MYO15A: variants seen among roughly 807,000 people sequenced by gnomAD.
MYO15A encodes unconventional myosin-XV.
A neutral mutation model predicts 394.6 loss-of-function variants in MYO15A; 308 were observed. That is an observed-to-expected ratio of 0.78 (90% CI 0.71 to 0.86). MYO15A has a LOEUF of 0.86. MYO15A is among the 40% of genes least tolerant of loss of function. The pLI is 0.00. For synonymous variants in MYO15A, 1,957 were observed against 2,003.8 expected (o/e 0.98, Z 0.62); for missense variants, 4,606 against 4,799.1 (o/e 0.96, Z 1.19).
At position 18,171,747 on chromosome 17, in the gene MYO15A, C is replaced by T. The variant is rs375199386; in HGVS notation, c.10192C>T (p.His3398Tyr). 1.5e-5 allele frequency: 24 copies of T among 1,611,490 alleles called. No homozygotes were observed. The African/African-American group carries it at 2.7e-4, about 18-fold the overall frequency. ...GCAGCAGACACAGGCGCTCAGCCCC[C>T]ACCAGGCCCGTGCCCAGTTTCTGGG... ...HRQQTQALSP[H>Y]QARAQFLGLL... is the part of the protein sequence containing the mutation. Residue 3398 changes from histidine to tyrosine, a missense_variant, in exon 63 of 66, where the codon CAC (histidine) becomes TAC (tyrosine). Physicochemically the swap from His to Tyr is moderately conservative, Grantham distance 83 (BLOSUM62 2). Transcript: ENST00000647165.
At position 18,138,867 on chromosome 17, in the gene MYO15A, C is replaced by G; in HGVS notation, c.5064C>G (p.Leu1688=). The change falls in exon 18 of 66, where the codon CTC becomes CTG. Residue 1688 remains leucine (L), a synonymous_variant. Coordinates refer to ENST00000647165, the MANE Select transcript of MYO15A (RefSeq NM_016239.4). ...KCHYHHGANP[L]YSKPKMPLPE... is the part of the protein sequence containing the mutation. ...ACTACCATCATGGCGCCAACCCGCT[C>G]TATTCCAAACCCAAGATGCCGCTGC... 1 of 1,613,780 alleles carries G rather than the reference C, an allele frequency of 6.2e-7. No individual in the cohort carries two copies. The highest frequency in any genetic ancestry group is 8.5e-7 in the Non-Finnish European group (1 of 1,179,896).
Position 18,149,276 on chromosome 17 carries a change from G to C in MYO15A, c.7017G>C (p.Glu2339Asp), listed in dbSNP as rs1049078608. The change falls in exon 34 of 66, where the codon GAG (glutamate) becomes GAC (aspartate). Residue 2339 changes from glutamate (E) to aspartate (D), a missense_variant. Coordinates refer to ENST00000647165, the MANE Select transcript of MYO15A (RefSeq NM_016239.4). ...TGTCCACTAGACCCCAGCCCCAGGA[G>C]CACATGCCCAAAGTACTTGACTCTG... ...EDMSTRPQPQ[E>D]HMPKVLDSDG... 8 of 1,613,878 alleles carry C rather than the reference G, an allele frequency of 5.0e-6. No individual in the cohort carries two copies. The Admixed American group carries it at 1.3e-4, about 27-fold the overall frequency.
chr17:18,155,323 G>A lies in MYO15A; in HGVS notation c.8350G>A (p.Gly2784Ser). The change falls in exon 47 of 66, where the codon GGC (glycine) becomes AGC (serine). Residue 2784 changes from glycine to serine, a missense_variant. Physicochemically the swap from Gly to Ser is moderately conservative, Grantham distance 56 (BLOSUM62 0). Transcript: ENST00000647165. ...SRIFPATGSVGTGVQLLAVSH... is the reference protein window; with the variant it reads ...SRIFPATGSVSTGVQLLAVSH... ...TTCATCTCTGCCCCAGGGCAGCGTG[G>A]GCACTGGTGTGCAGCTCCTAGCTGT... The A allele has an allele frequency of 6.2e-7, 1 of 1,613,770 alleles. No individual in the cohort carries two copies. Among genetic ancestry groups the A allele is most frequent in the Non-Finnish European group, 8.5e-7 (1 of 1,180,002 alleles).
intron 43 of MYO15A, 100 bp from the exon 44 acceptor site, chr17:18,154,031 G>A (rs2046631869): frequency 5.6e-6 from 9 of 1,603,760 alleles, no homozygotes; most frequent in Non-Finnish European, 7.7e-6. Flanking sequence ...CCAGGGGTGG[G>A]GTTACAGCCG....
chr17:18,121,468 C>A lies in MYO15A; in HGVS notation c.2668C>A (p.Pro890Thr), dbSNP rs770024283. Residue 890 changes from proline to threonine, a missense_variant, in exon 2 of 66, where the codon CCC (proline) becomes ACC (threonine). Physicochemically the swap from Pro to Thr is conservative, Grantham distance 38 (BLOSUM62 -1). Transcript: ENST00000647165. This position sits in a 1 kb window ranked among gnomAD's most constrained non-coding sequence, Gnocchi z 5.3. Reference sequence around the variant, plus strand: ...GGCTGTGAAGCCGCAAGTGCGCCTGCCCTTCCACCGACCGCCCAGGGCCGG... The same window carrying A: ...GGCTGTGAAGCCGCAAGTGCGCCTGACCTTCCACCGACCGCCCAGGGCCGG... ...TRAVKPQVRL[P>T]FHRPPRAGAW... 2.6e-5 allele frequency: 40 copies of A among 1,549,956 alleles called. No homozygotes were observed. Among genetic ancestry groups the A allele is most frequent in the Non-Finnish European group, 3.4e-5 (39 of 1,147,180 alleles).
In MYO15A at chr17:18,130,764, C is replaced by T. The variant is rs370006056; in HGVS notation, c.4033-41C>T. The stretch of plus-strand genomic sequence containing the variant: ...GTCCTGCTAGTGACTCCATTCTGTT[C>T]TTGTCTGTCTCTTTGTCCTCCCTCC... On this transcript the variant is annotated intron_variant, in intron 7 of 65. Transcript: ENST00000647165. 29 of 1,601,514 alleles carry T rather than the reference C, an allele frequency of 1.8e-5. No homozygotes were observed. In the African/African-American group the frequency reaches 3.9e-4, roughly 21 times the overall value.
In MYO15A at chr17:18,126,416, G is replaced by C; in HGVS notation, c.3826G>C (p.Val1276Leu). 6.2e-7 allele frequency: 1 copy of C among 1,614,016 alleles called. No homozygotes were observed. Among genetic ancestry groups the C allele is most frequent in the Non-Finnish European group, 8.5e-7 (1 of 1,180,000 alleles). ...QMFGIYGPEQ[V>L]QQYNGRALGE... ...GTTTGGAATCTATGGGCCGGAGCAG[G>C]TGCAGCAGTACAACGGACGGGCCCT... The change falls in exon 5 of 66, where the codon GTG becomes CTG. Residue 1276 changes from valine to leucine, a missense_variant. Val to Leu is a conservative substitution (Grantham distance 32, BLOSUM62 1). Transcript: ENST00000647165.
rs1345782108 is a variant in MYO15A at position 18,164,073 on chromosome 17, T to C, written c.9787+235T>C. 5.3e-6 allele frequency: 3 copies of C among 569,988 alleles called. No individual in the cohort carries two copies. In the African/African-American group the frequency reaches 5.6e-5, roughly 11 times the overall value. 35.3% of individuals were successfully genotyped at this position (569,988 alleles called of 1,614,324 possible). On this transcript the variant is annotated intron_variant, in intron 60 of 65. Coordinates refer to ENST00000647165, the MANE Select transcript of MYO15A (RefSeq NM_016239.4). The stretch of plus-strand genomic sequence containing the variant: ...TATGATGAGAGCCCTCTCTCATCCC[T>C]CCCTTTGTCCCTCAGGACATGCTCA...
chr17:18,142,897 T>G (rs2046407761), intron 25 of MYO15A, 57 bp downstream of exon 25: 2 of 1,509,046 alleles, frequency 1.3e-6, no homozygotes, highest in African/African-American at 2.8e-5. Context: ...GAAAGGGCAC[T>G]TAGCACCCAA....
chr17:18,116,631 A>T (rs900673919), intron 1 of MYO15A, among the ~76,000 whole-genome samples: 5 of 152,178 alleles, frequency 3.3e-5, no homozygotes, highest in Admixed American at 6.5e-5. Context: ...GCTCAGAAAG[A>T]ATGTCTCGGC....
intron 51 of MYO15A, 182 bp from the exon 52 acceptor site, chr17:18,158,341 T>C: frequency 1.8e-6 from 1 of 559,956 alleles, no homozygotes; most frequent in Non-Finnish European, 3.0e-6. Context: ...GCACAGCAAG[T>C]AAAAGGCGTG....
chr17:18,148,816 T>C lies in MYO15A; in HGVS notation c.6820T>C (p.Trp2274Arg), dbSNP rs1411154170. ...CGTGGCCATGAAGAATGGTGTCCAG[T>C]GGGCAGAGCTGGCTGGCCACGACTA... ...WTVAMKNGVQ[W>R]AELAGHDYVL... Residue 2274 changes from tryptophan (W) to arginine (R), a missense_variant, in exon 33 of 66, where the codon TGG becomes CGG. By Grantham distance (101) the Trp-to-Arg change is moderately radical (BLOSUM62 -3). Transcript: ENST00000647165. This position sits in a 1 kb window ranked among gnomAD's most constrained non-coding sequence, Gnocchi z 4.8. 1 of 1,605,556 alleles carries C rather than the reference T, an allele frequency of 6.2e-7. No homozygotes were observed. Among genetic ancestry groups the C allele is most frequent in the Non-Finnish European group, 8.5e-7 (1 of 1,175,996 alleles).
chr17:18,126,194 T>A (rs2046034651), intron 4 of MYO15A, among the ~76,000 whole-genome samples, 153 bp from the exon 5 acceptor site: 1 of 152,224 alleles, frequency 6.6e-6, no homozygotes, highest in African/African-American at 2.4e-5. Context: ...GTAGCCCAGC[T>A]AGCTGGTAGA....
intron 2 of MYO15A, 158 bp from the exon 3 acceptor site, chr17:18,124,325 G>T (rs2045992412): frequency 1.4e-6 from 1 of 727,700 alleles, no homozygotes; most frequent in Non-Finnish European, 2.4e-6. Flanking sequence ...GGTTCTGGGG[G>T]CCACAGCATT....
rs780514902 is a variant in MYO15A, at chr17:18,119,723, G to GCTACGA, written c.925_930dup (p.Tyr309_Asp310dup). On this transcript the variant is annotated inframe_insertion, in exon 2 of 66. Coordinates refer to ENST00000647165, the MANE Select transcript of MYO15A (RefSeq NM_016239.4). ...GATCCGGGGTACACCTACGGCTACGGCTACGACGATTACGAACCCCCATAT... is the reference window on the plus strand; with the variant it reads ...GATCCGGGGTACACCTACGGCTACGGCTACGACTACGACGATTACGAACCCCCATAT... 1.2e-6 allele frequency: 2 copies of GCTACGA among 1,612,108 alleles called. No homozygotes were observed. Among genetic ancestry groups the GCTACGA allele is most frequent in the Non-Finnish European group, 8.5e-7 (1 of 1,179,970 alleles).
In MYO15A at chr17:18,119,516, A is replaced by G; in HGVS notation, c.716A>G (p.His239Arg). 1 of 1,611,124 alleles carries G rather than the reference A, an allele frequency of 6.2e-7. No individual in the cohort carries two copies. Among genetic ancestry groups the G allele is most frequent in the Non-Finnish European group, 8.5e-7 (1 of 1,179,900 alleles). ...FQDLGEYYDY[H>R]RDGDDYYDRQ... ...GACCTGGGCGAGTATTATGACTATC[A>G]CCGCGACGGCGACGACTACTACGAC... The change falls in exon 2 of 66, where the codon CAC becomes CGC. Residue 239 changes from histidine to arginine, a missense_variant. By Grantham distance (29) the His-to-Arg change is conservative. Transcript: ENST00000647165.
Position 18,157,081 on chromosome 17 carries a change from G to A in MYO15A, c.8713+16G>A. ...CCTCGAGTGGGTCAGTGCCACTGGG[G>A]TGGGCTGGGGGCAGGAGGGGGAGGC... is the stretch of plus-strand genomic sequence containing the variant. On this transcript the variant is annotated intron_variant, in intron 49 of 65. Coordinates refer to ENST00000647165, the MANE Select transcript of MYO15A (RefSeq NM_016239.4). 6.2e-7 allele frequency: 1 copy of A among 1,613,752 alleles called. No individual in the cohort carries two copies. Among genetic ancestry groups the A allele is most frequent in the Non-Finnish European group, 8.5e-7 (1 of 1,179,918 alleles).
rs1196670894 is a variant in MYO15A at position 18,149,264 on chromosome 17, C to G, written c.7005C>G (p.Pro2335=). ...WDSDEDMSTR[P]QPQEHMPKVL... is the part of the protein sequence containing the mutation. ...CGGATGAGGACATGTCCACTAGACC[C>G]CAGCCCCAGGAGCACATGCCCAAAG... Residue 2335 remains proline, a synonymous_variant, in exon 34 of 66, where the codon CCC becomes CCG. Transcript: ENST00000647165. 1.2e-6 allele frequency: 2 copies of G among 1,613,946 alleles called. No individual in the cohort carries two copies. The highest frequency in any genetic ancestry group is 1.7e-6 in the Non-Finnish European group (2 of 1,179,966).
At position 18,150,682 on chromosome 17, in the gene MYO15A, T is replaced by C. The variant is rs149176627; in HGVS notation, c.7328-16T>C. ...CATCTCCGGTGCCATCTGTGCCTTC[T>C]GCCCCCTCCCCTCAGTCCCAGGCCT... On this transcript the variant is annotated splice_polypyrimidine_tract_variant and intron_variant, in intron 36 of 65. Transcript: ENST00000647165. The surrounding 1 kb of genome is among the most constrained non-coding windows in gnomAD (Gnocchi z 4.4). The C allele has an allele frequency of 5.0e-6, 8 of 1,590,584 alleles. No homozygotes were observed. In the African/African-American group the frequency reaches 1.1e-4, roughly 21 times the overall value.
Sources: gnomAD v4.1 joint callset for allele counts (sites outside exome capture counted in the v4.1 genomes callset) on GRCh38, gnomAD v4.1.1 for gene constraint, Gnocchi (gnomAD v3.1) non-coding constraint, MANE v1.5 for transcripts, NCBI Gene and HGNC (gene_info 2026-07-23, HGNC 2026-07-21) for gene names.